PDE3A: variants seen among roughly 807,000 people sequenced by gnomAD.
PDE3A encodes the protein phosphodiesterase 3A, also known as cGMP-inhibited 3',5'-cyclic phosphodiesterase 3A.
PDE3A carries 43 observed loss-of-function variants against 98.3 expected under a neutral mutation model. The ratio of observed to expected loss-of-function variants is 0.44; its 90% CI spans 0.34 to 0.56. The LOEUF (loss-of-function observed/expected upper bound fraction) is 0.56, where lower values mean the gene tolerates loss of function less well. Ranked by LOEUF, PDE3A falls within the 20% of genes least tolerant of loss-of-function variation. PDE3A has a pLI of 0.01. For missense variants in PDE3A, 1,427 were observed against 1,440.7 expected (o/e 0.99, Z 0.15); for synonymous variants, 663 against 567.9 (o/e 1.17, Z -2.38).
intron 1 of PDE3A, among the ~76,000 whole-genome samples, chr12:20,467,933 CAAAAAAAAAAAAAAAAAAAAAAAAAAAAA>C (rs60320142): frequency 4.2e-4 from 15 of 35,698 alleles, no homozygotes; most frequent in Admixed American, 1.9e-3. Context: ...GACTCCTTCT[CAAAAAAAAAAAAAAAAAAAAAAAAAAAAA>C]AAAAAAAAAA....
chr12:20,411,500 A>G (rs977890950), intron 1 of PDE3A, among the ~76,000 whole-genome samples: 11 of 142,572 alleles, frequency 7.7e-5, no homozygotes, highest in Non-Finnish European at 1.5e-5. Flanking sequence ...TTGTGTTGAC[A>G]TTATTCTGCT....
intron 1 of PDE3A, among the ~76,000 whole-genome samples, chr12:20,450,626 T>C (rs1284026717): frequency 6.6e-6 from 1 of 152,230 alleles, no homozygotes; most frequent in South Asian, 2.1e-4. Context: ...CTTTAACATT[T>C]GAGAGAATGC....
chr12:20,675,213 A>T (rs1945603915), intron 15 of PDE3A, among the ~76,000 whole-genome samples: 1 of 151,942 alleles, frequency 6.6e-6, no homozygotes, highest in Admixed American at 6.6e-5. Context: ...TCATGTATTT[A>T]TACAGTTTCC....
intron 1 of PDE3A, among the ~76,000 whole-genome samples, chr12:20,374,668 C>G (rs1390188051): frequency 6.6e-6 from 1 of 152,012 alleles, no homozygotes; most frequent in Non-Finnish European, 1.5e-5. Context: ...AATTTTACTT[C>G]TATTTTAAGC....
chr12:20,588,962 G>A (rs540996341), intron 2 of PDE3A, among the ~76,000 whole-genome samples: 1 of 152,056 alleles, frequency 6.6e-6, no homozygotes, highest in African/African-American at 2.4e-5. Context: ...TCGCTCTGTC[G>A]CCCAGGCTGG....
At position 20,369,906 on chromosome 12, in the gene PDE3A, C is replaced by A; in HGVS notation, c.622C>A (p.Leu208Met). 1 of 1,613,416 alleles carries A rather than the reference C, an allele frequency of 6.2e-7. No individual in the cohort carries two copies. The highest frequency in any genetic ancestry group is 2.2e-5 in the East Asian group (1 of 44,818). ...LAAATWLVLR[L>M]RLGVLMIALT... ...CGCCGCGACATGGCTGGTGCTGAGGCTGAGGCTGGGCGTCCTCATGATCGC... is the reference window on the plus strand; with the variant it reads ...CGCCGCGACATGGCTGGTGCTGAGGATGAGGCTGGGCGTCCTCATGATCGC... Residue 208 changes from leucine (L) to methionine (M), a missense_variant, in exon 1 of 16, where the codon CTG (leucine) becomes ATG (methionine). Leu to Met is a conservative substitution (Grantham distance 15). Around this residue, in one of 3 missense-constraint regions of PDE3A, gnomAD observed 1,012 missense variants for 886.5 expected, o/e 1.14. Transcript: ENST00000359062.
intron 15 of PDE3A, among the ~76,000 whole-genome samples, chr12:20,667,604 G>A (rs1945348991): frequency 6.6e-6 from 1 of 151,932 alleles, no homozygotes; most frequent in African/African-American, 2.4e-5. Context: ...TTTATTTCTG[G>A]AGTCTATGTT....
chr12:20,637,271 A>G lies in PDE3A; in HGVS notation c.2139+34A>G, dbSNP rs200731639. On this transcript the variant is annotated intron_variant, in intron 9 of 15. Transcript: ENST00000359062. ...TGCATTCATTCACACTAATTTAAAT[A>G]TAGGAAAAACAGTTCCTTTGTTGCT... The G allele has an allele frequency of 3.3e-6, 5 of 1,526,334 alleles. No homozygotes were observed. In the East Asian group the frequency reaches 1.1e-4, roughly 35 times the overall value. The allele number at this position is 1,526,334 out of a possible 1,614,324, so 94.5% of individuals were successfully genotyped here.
chr12:20,668,417 C>G (rs1945378849), intron 15 of PDE3A, among the ~76,000 whole-genome samples: 1 of 152,028 alleles, frequency 6.6e-6, no homozygotes, highest in African/African-American at 2.4e-5. Flanking sequence ...AACAAAAAGA[C>G]AGCAGTAACC....
At chr12:20,584,934 T>C (rs1943155704) in intron 2 of PDE3A, among the ~76,000 whole-genome samples, 1 of 152,228 alleles carries the variant, frequency 6.6e-6, no homozygotes, top group Non-Finnish European at 1.5e-5. Flanking sequence ...AAGGTAGTTA[T>C]GATTAGGCAA....
intron 8 of PDE3A, among the ~76,000 whole-genome samples, chr12:20,636,461 C>T (rs1353564780): frequency 2.0e-5 from 3 of 152,092 alleles, no homozygotes; most frequent in African/African-American, 4.8e-5. Context: ...AGAACATCCT[C>T]GTTTGGGACC....
At chr12:20,383,757 A>C (rs1423540380) in intron 1 of PDE3A, among the ~76,000 whole-genome samples, 1 of 151,962 alleles carries the variant, frequency 6.6e-6, no homozygotes, top group African/African-American at 2.4e-5. Context: ...GAAGATGGAA[A>C]AAGGTGAGGA....
chr12:20,550,942 G>C (rs1942182831), intron 1 of PDE3A, among the ~76,000 whole-genome samples: 1 of 150,986 alleles, frequency 6.6e-6, no homozygotes, highest in African/African-American at 2.4e-5. Context: ...TTAGATCTTA[G>C]TTTACTGGTT....
At chr12:20,617,759 A>G (rs1000388463) in intron 4 of PDE3A, among the ~76,000 whole-genome samples, 2 of 152,200 alleles carry the variant, frequency 1.3e-5, no homozygotes, top group East Asian at 3.9e-4. Context: ...AAATCCACTC[A>G]TGCCTTCTCA....
intron 12 of PDE3A, among the ~76,000 whole-genome samples, chr12:20,647,188 A>G (rs576286806): frequency 6.6e-6 from 1 of 152,344 alleles, no homozygotes; most frequent in East Asian, 1.9e-4. Flanking sequence ...CTTCTTAGGA[A>G]GAAAACCTAC....
intron 15 of PDE3A, among the ~76,000 whole-genome samples, chr12:20,668,299 A>C (rs1264090327): frequency 1.3e-5 from 2 of 152,216 alleles, no homozygotes. Context: ...CCCAGGCTTG[A>C]TTAGGTAAAC....
intron 1 of PDE3A, among the ~76,000 whole-genome samples, chr12:20,384,328 T>C (rs1249389546): frequency 6.6e-6 from 1 of 151,794 alleles, no homozygotes; most frequent in African/African-American, 2.4e-5. Flanking sequence ...TCTTCAAAAG[T>C]TTTTTAGTTT....
rs150981976 is a variant in PDE3A, at chr12:20,433,671, TA to T, written c.960+63434del. 1.3e-5 allele frequency among the ~76,000 whole-genome samples: 2 copies of T among 152,226 alleles called. 1 individual carries two copies. Among genetic ancestry groups the T allele is most frequent in the South Asian group, 4.1e-4 (2 of 4,830 alleles). On this transcript the variant is annotated intron_variant, in intron 1 of 15. Transcript: ENST00000359062. ...AATTTTAAGAACAGCATACGTTTTT[TA>T]AAAAAATACACAAGATGTAATTTTA...
intron 1 of PDE3A, among the ~76,000 whole-genome samples, chr12:20,405,896 C>A (rs1444121886): frequency 6.6e-6 from 1 of 152,172 alleles, no homozygotes; most frequent in African/African-American, 2.4e-5. Context: ...ATTCCCTCCA[C>A]CTTCCAGCGC....
Sources: gnomAD v4.1 joint callset for allele counts (sites outside exome capture counted in the v4.1 genomes callset) on GRCh38, gnomAD v4.1.1 for gene constraint, gnomAD v4.1.1 regional missense constraint, MANE v1.5 for transcripts, NCBI Gene and HGNC (gene_info 2026-07-23, HGNC 2026-07-21) for gene names.